Variants in WDR19 observed in about 807,000 individuals in gnomAD.
The protein encoded by WDR19 is WD repeat domain 19, also known as WD repeat-containing protein 19.
A neutral mutation model predicts 180.0 loss-of-function variants in WDR19; 121 were observed. The observed-to-expected ratio is 0.67, with a 90% CI of 0.58 to 0.78. The LOEUF (loss-of-function observed/expected upper bound fraction) is 0.78. Among genes scored for constraint, WDR19 ranks in the 30% least tolerant of loss-of-function variants. WDR19 has a pLI of 0.00. For missense variants in WDR19, 1,450 were observed against 1,640.7 expected, an observed-to-expected ratio of 0.88 and a Z score of 2.01; for synonymous variants, 497 against 540.7, an observed-to-expected ratio of 0.92 and a Z score of 1.12.
At chr4:39,226,744 T>A (rs1730303551) in intron 15 of WDR19, among the ~76,000 whole-genome samples, 1 of 152,226 alleles carries the variant, frequency 6.6e-6, no homozygotes, top group Admixed American at 6.5e-5. Context: ...ATCTTGTAAG[T>A]AGCACTGTCC....
chr4:39,280,115 T>C (rs991441317), intron 36 of WDR19, among the ~76,000 whole-genome samples: 5 of 118,346 alleles, frequency 4.2e-5, no homozygotes, highest in Non-Finnish European at 7.0e-5. Context: ...TTTTCCCTTT[T>C]CTTGTTTTTT....
intron 31 of WDR19, among the ~76,000 whole-genome samples, chr4:39,270,306 T>C (rs1735225612): frequency 2.6e-5 from 4 of 152,116 alleles, no homozygotes; most frequent in Admixed American, 2.0e-4. Context: ...CAAACTCCAG[T>C]GTGGGGACAG....
chr4:39,274,971 G>A lies in WDR19; in HGVS notation c.3716+13G>A, dbSNP rs759523972. ...AGGGAATGGTCAGGTAGGCAGAGAT[G>A]GCTATTTCTGCTATCTAATCGTATT... On this transcript the variant is annotated intron_variant, in intron 33 of 36. Transcript: ENST00000399820. The A allele has an allele frequency of 1.1e-5, 17 of 1,611,474 alleles. No homozygotes were observed. The Admixed American group carries it at 1.7e-4, about 16-fold the overall frequency.
Position 39,217,203 on chromosome 4 carries a change from C to T in WDR19, c.1319C>T (p.Ala440Val). ...VASICLHSDY[A>V]AALFEGKVQL... ...AGTATTTGCCTTCATTCTGACTATGCTGCTGCACTTTTTGAAGGCAAAGTC... is the reference window on the plus strand; with the variant it reads ...AGTATTTGCCTTCATTCTGACTATGTTGCTGCACTTTTTGAAGGCAAAGTC... The change falls in exon 13 of 37, where the codon GCT becomes GTT. Residue 440 changes from alanine to valine, a missense_variant. Ala to Val is a moderately conservative substitution (Grantham distance 64). Coordinates refer to ENST00000399820, the MANE Select transcript of WDR19 (RefSeq NM_025132.4). 17 of 1,607,172 alleles carry T rather than the reference C, an allele frequency of 1.1e-5. No homozygotes were observed. Among genetic ancestry groups the T allele is most frequent in the Non-Finnish European group, 1.4e-5 (17 of 1,176,816 alleles).
chr4:39,217,991 C>A lies in WDR19; in HGVS notation c.1365C>A (p.Ser455Arg), dbSNP rs571091734. The change falls in exon 14 of 37, where the codon AGC (serine) becomes AGA (arginine). Residue 455 changes from serine to arginine, a missense_variant. Ser to Arg is a moderately radical substitution (Grantham distance 110, BLOSUM62 -1). Coordinates refer to ENST00000399820, the MANE Select transcript of WDR19 (RefSeq NM_025132.4). Reference protein sequence around the residue: ...EGKVQLHLIESEILDAQEERE... With the variant: ...EGKVQLHLIEREILDAQEERE... Reference sequence around the variant, plus strand: ...TATTCTTTACGTTTTAGATAGAAAGCGAAATCTTGGATGCTCAAGAAGAAC... The same window carrying A: ...TATTCTTTACGTTTTAGATAGAAAGAGAAATCTTGGATGCTCAAGAAGAAC... 3.1e-6 allele frequency: 5 copies of A among 1,613,334 alleles called. No individual in the cohort carries two copies. In the East Asian group the frequency reaches 1.1e-4, roughly 36 times the overall value.
rs536140926 is a variant in WDR19, at chr4:39,246,815, C to T, written c.2729+1363C>T. Among the ~76,000 whole-genome samples the T allele has an allele frequency of 2.0e-3, 304 of 152,298 alleles. 1 individual carries two copies. The highest frequency in any genetic ancestry group is 6.7e-3 in the African/African-American group (279 of 41,568). The stretch of plus-strand genomic sequence containing the variant: ...GCAGAAAGGCTGGTGGACGGGCGCC[C>T]GCCATTGCTGAGGCTTGAGTAGGTA... On this transcript the variant is annotated intron_variant, in intron 24 of 36. Transcript: ENST00000399820.
Position 39,253,916 on chromosome 4 carries a change from C to A in WDR19, c.2887C>A (p.Gln963Lys), listed in dbSNP as rs1460409474. The A allele has an allele frequency of 1.3e-6, 2 of 1,597,074 alleles. No individual in the cohort carries two copies. The highest frequency in any genetic ancestry group is 3.5e-5 in the Admixed American group (2 of 57,968). ...GAKMVARFFLQLGDYGSAIQF... is the reference protein window; with the variant it reads ...GAKMVARFFLKLGDYGSAIQF... ...AGTACTTTGCTTTAGGTTTTTTCTA[C>A]AGCTTGGTGACTATGGGTCTGCCAT... Residue 963 changes from glutamine (Q) to lysine (K), a missense_variant, in exon 26 of 37, where the codon CAG (glutamine) becomes AAG (lysine). Coordinates refer to ENST00000399820, the MANE Select transcript of WDR19 (RefSeq NM_025132.4).
intron 36 of WDR19, among the ~76,000 whole-genome samples, chr4:39,284,736 T>C (rs1338259189): frequency 3.3e-5 from 5 of 152,134 alleles, no homozygotes; most frequent in Non-Finnish European, 4.4e-5. Context: ...AACCTTGTAT[T>C]TTTAAAAAAC....
At chr4:39,183,250 C>CTTTTTTTTTTTTTTTTTTTTTTTTTTTT (rs113490249) in intron 1 of WDR19, among the ~76,000 whole-genome samples, 2 of 79,250 alleles carry the variant, frequency 2.5e-5, no homozygotes, top group African/African-American at 1.0e-4. Flanking sequence ...AAATGGAAGG[C>CTTTTTTTTTTTTTTTTTTTTTTTTTTTT]TTTTTTTTTT....
intron 32 of WDR19, chr4:39,273,922 T>G (rs534033475): frequency 1.3e-5 from 2 of 152,202 alleles, no homozygotes; most frequent in Non-Finnish European, 2.9e-5. Flanking sequence ...CAGCAAACTT[T>G]TTCTGTAAAG....
At position 39,230,812 on chromosome 4, in the gene WDR19, T is replaced by G. The variant is rs77895805; in HGVS notation, c.1983-985T>G. ...ATAGATAAATGGATGAATGAATAGA[T>G]AGATGGATGTAATATATTCACTCAT... On this transcript the variant is annotated intron_variant, in intron 17 of 36. Coordinates refer to ENST00000399820, the MANE Select transcript of WDR19 (RefSeq NM_025132.4). Among the ~76,000 whole-genome samples, 99 of 152,294 alleles carry G rather than the reference T, an allele frequency of 6.5e-4. 1 individual carries two copies. The East Asian group carries it at 0.014, about 22-fold the overall frequency.
At chr4:39,249,280 T>C (rs1169668309) in intron 24 of WDR19, among the ~76,000 whole-genome samples, 2 of 151,828 alleles carry the variant, frequency 1.3e-5, no homozygotes, top group Non-Finnish European at 2.9e-5. Context: ...GAAATAAAGA[T>C]GTTCTTTGAA....
At chr4:39,269,542 C>T (rs1439294988) in intron 30 of WDR19, among the ~76,000 whole-genome samples, 2 of 152,186 alleles carry the variant, frequency 1.3e-5, no homozygotes, top group East Asian at 1.9e-4. Flanking sequence ...ATGTTCATAA[C>T]ATCAATTAAA....
At chr4:39,260,517 T>C (rs1431575869) in intron 28 of WDR19, among the ~76,000 whole-genome samples, 1 of 152,072 alleles carries the variant, frequency 6.6e-6, no homozygotes. Context: ...TTTTTTGTAC[T>C]TTTAGTAGAG....
At chr4:39,283,199 T>A (rs1736745975) in intron 36 of WDR19, among the ~76,000 whole-genome samples, 2 of 152,202 alleles carry the variant, frequency 1.3e-5, no homozygotes, top group African/African-American at 4.8e-5. Context: ...TCAATTGAGA[T>A]GATATGGTTT....
intron 24 of WDR19, among the ~76,000 whole-genome samples, chr4:39,247,424 C>T (rs1462197749): frequency 6.6e-6 from 1 of 151,948 alleles, no homozygotes; most frequent in Non-Finnish European, 1.5e-5. Context: ...GCAGAAAAAC[C>T]GGAAACTCTA....
At chr4:39,252,408 A>G (rs1470269801) in intron 24 of WDR19, among the ~76,000 whole-genome samples, 2 of 151,396 alleles carry the variant, frequency 1.3e-5, no homozygotes, top group Non-Finnish European at 2.9e-5. Context: ...ACCTAATGCT[A>G]AATGACGAGT....
At chr4:39,275,339 C>CTAAA in intron 33 of WDR19, 1 of 103,638 alleles carries the variant, frequency 9.6e-6, no homozygotes, top group South Asian at 1.5e-4. Context: ...GACCCCATCT[C>CTAAA]AAAAAAAAAA....
At chr4:39,222,272 TATTG>T (rs1729779591) in intron 14 of WDR19, among the ~76,000 whole-genome samples, 1 of 152,250 alleles carries the variant, frequency 6.6e-6, no homozygotes, top group South Asian at 2.1e-4. Context: ...GTTGTTTTCT[TATTG>T]ATTTATGAGA....
Sources: allele counts gnomAD v4.1 joint callset (sites outside exome capture counted in the v4.1 genomes callset), GRCh38; gene constraint gnomAD v4.1.1; transcripts MANE v1.5; gene names NCBI Gene and HGNC (gene_info 2026-07-23, HGNC 2026-07-21).